Variants in STK3 observed in about 807,000 individuals in gnomAD.
STK3 encodes the protein serine/threonine kinase 3, also known as serine/threonine-protein kinase 3.
In STK3, 41 loss-of-function variants were observed where a neutral mutation model predicts 58.0. That is an observed-to-expected ratio of 0.71 (90% CI 0.55 to 0.92). STK3 has a LOEUF of 0.92. STK3 is among the 40% of genes least tolerant of loss of function. The probability of loss-of-function intolerance (pLI) is 0.00; values close to 1 mark genes in which losing one functional copy is unlikely to be tolerated. For missense variants in STK3, 479 were observed against 602.7 expected (o/e 0.79, Z 2.15); for synonymous variants, 170 against 191.0 (o/e 0.89, Z 0.91).
intron 10 of STK3, among the ~76,000 whole-genome samples, chr8:98,486,521 G>A (rs965842342): frequency 2.6e-5 from 4 of 152,118 alleles, no homozygotes; most frequent in African/African-American, 9.7e-5. Flanking sequence ...AACTTTTAAT[G>A]TTTCTTATTT....
rs531982288 is a variant in STK3 at position 98,748,507 on chromosome 8, C to T, written c.351+769G>A. Among the ~76,000 whole-genome samples the T allele has an allele frequency of 3.3e-5, 5 of 152,104 alleles. No homozygotes were observed. The South Asian group carries it at 1.0e-3, about 32-fold the overall frequency. ...ATGATTCTGGTTAACTACAAATTGA[C>T]TGAAGTATTTTTTCTGAATGTATTT... On this transcript the variant is annotated intron_variant, in intron 4 of 10. Coordinates refer to ENST00000419617, the MANE Select transcript of STK3 (RefSeq NM_006281.4).
At chr8:98,380,378 A>T (rs1817720157) in intron 1 of STK3, among the ~76,000 whole-genome samples, 1 of 152,234 alleles carries the variant, frequency 6.6e-6, no homozygotes, top group African/African-American at 2.4e-5. Flanking sequence ...ATAACCACCG[A>T]TAACACTTTG....
chr8:98,442,818 C>A (rs1818745388), intron 1 of STK3, among the ~76,000 whole-genome samples: 1 of 152,200 alleles, frequency 6.6e-6, no homozygotes, highest in Non-Finnish European at 1.5e-5. Context: ...ATCTTCTCAA[C>A]ACCTCAACTG....
At chr8:98,539,921 T>C (rs1810097067) in intron 9 of STK3, among the ~76,000 whole-genome samples, 1 of 152,126 alleles carries the variant, frequency 6.6e-6, no homozygotes, top group Non-Finnish European at 1.5e-5. Flanking sequence ...GCCCAGCTAA[T>C]TTTTGTATTT....
At chr8:98,905,778 T>C in intron 1 of STK3, 1 of 424,638 alleles carries the variant, frequency 2.4e-6, no homozygotes, top group Non-Finnish European at 4.4e-6. Flanking sequence ...GAATTAAATT[T>C]AAAAGAGTTT....
At chr8:98,920,642 C>T (rs964119258) in intron 1 of STK3, among the ~76,000 whole-genome samples, 12 of 152,314 alleles carry the variant, frequency 7.9e-5, no homozygotes, top group Admixed American at 5.2e-4. Flanking sequence ...TTTCCAGAAG[C>T]TCTAGTTTGT....
intron 2 of STK3, chr8:98,371,788 C>T (rs1034303591): frequency 9.2e-5 from 14 of 152,162 alleles, no homozygotes; most frequent in African/African-American, 3.4e-4. Context: ...GCTCTAGGGC[C>T]ACATGAGACA....
chr8:98,428,843 C>T lies in STK3; in HGVS notation n.483+5284G>A, dbSNP rs1156738199. Reference sequence around the variant, plus strand: ...TGGTGGAGAGCACACCTACTTTAGCCAACTTGGGCAGGGTGGCCCAGGTCC... The same window carrying T: ...TGGTGGAGAGCACACCTACTTTAGCTAACTTGGGCAGGGTGGCCCAGGTCC... On this transcript the variant is annotated intron_variant and non_coding_transcript_variant, in intron 3 of 3. Coordinates refer to the STK3 transcript ENST00000517832. This position sits in a 1 kb window ranked among gnomAD's most constrained non-coding sequence, Gnocchi z 6.7. 4 of 1,614,170 alleles carry T rather than the reference C, an allele frequency of 2.5e-6. No homozygotes were observed. The South Asian group carries it at 3.3e-5, about 13-fold the overall frequency.
At chr8:98,874,733 C>T (rs1837503640) in intron 3 of STK3, among the ~76,000 whole-genome samples, 1 of 151,696 alleles carries the variant, frequency 6.6e-6, no homozygotes, top group Admixed American at 6.6e-5. Context: ...CTCAAGCAAT[C>T]CTCTCACCTC....
chr8:98,436,689 C>T (rs774896474), intron 2 of STK3: 1 of 152,216 alleles, frequency 6.6e-6, no homozygotes, highest in Non-Finnish European at 1.5e-5. Flanking sequence ...GCAGCAGAAT[C>T]CTCTGGGGAG....
At chr8:98,504,115 G>A (rs149989238) in intron 10 of STK3, among the ~76,000 whole-genome samples, 3,828 of 152,288 alleles carry the variant, frequency 0.025, 72 homozygotes, top group Non-Finnish European at 0.036. Context: ...AGCTCTTCTT[G>A]TTGAATTGAT....
At chr8:98,739,593 G>A (rs1259419979) in intron 4 of STK3, among the ~76,000 whole-genome samples, 1 of 146,720 alleles carries the variant, frequency 6.8e-6, no homozygotes. Context: ...AAACCCATCT[G>A]TACATCACCA....
intron 1 of STK3, among the ~76,000 whole-genome samples, chr8:98,788,087 AATG>A (rs1284016421): frequency 6.6e-6 from 1 of 152,198 alleles, no homozygotes; most frequent in Non-Finnish European, 1.5e-5. Context: ...TAATGAATGG[AATG>A]ATACCTCACA....
chr8:98,587,339 C>T (rs971268805), intron 7 of STK3, among the ~76,000 whole-genome samples: 1 of 151,818 alleles, frequency 6.6e-6, no homozygotes, highest in African/African-American at 2.4e-5. Flanking sequence ...TTATTTCTGC[C>T]TTCATTTCGT....
intron 10 of STK3, among the ~76,000 whole-genome samples, chr8:98,483,972 T>C (rs1202281225): frequency 6.6e-6 from 1 of 151,860 alleles, no homozygotes; most frequent in Non-Finnish European, 1.5e-5. Flanking sequence ...CTCTGTTCAG[T>C]GAAAATTAAG....
chr8:98,435,902 C>A (rs756866738), intron 2 of STK3, among the ~76,000 whole-genome samples: 1 of 152,174 alleles, frequency 6.6e-6, no homozygotes, highest in Non-Finnish European at 1.5e-5. Flanking sequence ...ATCTGCCAAC[C>A]TATTTCTCTC....
intron 8 of STK3, among the ~76,000 whole-genome samples, chr8:98,568,086 T>C (rs548517381): frequency 1.3e-5 from 2 of 151,726 alleles, no homozygotes; most frequent in African/African-American, 4.8e-5. Context: ...GATAGATAGA[T>C]AGATAGATAG....
At chr8:98,826,197 T>A (rs1835295364), upstream of STK3, among the ~76,000 whole-genome samples, 1 of 152,226 alleles carries the variant, frequency 6.6e-6, no homozygotes, top group Non-Finnish European at 1.5e-5. Context: ...TTTCTTTGGC[T>A]TTCCCAACGA....
At position 98,774,730 on chromosome 8, in the gene STK3, T is replaced by C; in HGVS notation, c.107+9A>G. 1.3e-6 allele frequency: 2 copies of C among 1,563,090 alleles called. No individual in the cohort carries two copies. The highest frequency in any genetic ancestry group is 1.4e-5 in the African/African-American group (1 of 72,888). The stretch of plus-strand genomic sequence containing the variant: ...ATTATTTACATGCTTTCATACTTTT[T>C]GTACTTACCCTTCTCCAAGCTTCTC... On this transcript the variant is annotated intron_variant, in intron 2 of 10. Transcript: ENST00000419617.
Sources: gnomAD v4.1 joint callset for allele counts (sites outside exome capture counted in the v4.1 genomes callset) on GRCh38, gnomAD v4.1.1 for gene constraint, Gnocchi (gnomAD v3.1) non-coding constraint, MANE v1.5 for transcripts, NCBI Gene and HGNC (gene_info 2026-07-23, HGNC 2026-07-21) for gene names.